The following RNF217 variants were observed in gnomAD, a reference collection of about 807,000 sequenced individuals.
RNF217 encodes the protein ring finger protein 217, also known as E3 ubiquitin-protein ligase RNF217.
RNF217 carries 31 observed loss-of-function variants against 57.8 expected under a neutral mutation model. That is an observed-to-expected ratio of 0.54 (90% CI 0.40 to 0.72). The LOEUF is 0.72. Among genes scored for constraint, RNF217 ranks in the 30% least tolerant of loss-of-function variants. The probability of loss-of-function intolerance (pLI) is 0.00; values close to 1 mark genes in which losing one functional copy is unlikely to be tolerated. For missense variants in RNF217, 696 were observed against 708.3 expected (o/e 0.98, Z 0.20); for synonymous variants, 313 against 294.0 (o/e 1.06, Z -0.66).
rs1447341774 is a variant in RNF217 at position 125,062,252 on chromosome 6, CTT to C, written c.1281+4147_1281+4148del. The stretch of plus-strand genomic sequence containing the variant: ...TTTATGTATTAAGCATTACTTCTCT[CTT>C]AGTGAGTTTTTACCTTTTTCTCAAA... On this transcript the variant is annotated intron_variant, in intron 3 of 5. Transcript: ENST00000521654. Among the ~76,000 whole-genome samples, 5 of 151,892 alleles carry C rather than the reference CTT, an allele frequency of 3.3e-5. 1 individual carries two copies. The highest frequency in any genetic ancestry group is 4.8e-5 in the African/African-American group (2 of 41,338).
chr6:125,092,574 G>T lies in RNF217; in HGVS notation c.*9637G>T, dbSNP rs543692301. 1.3e-5 allele frequency: 2 copies of T among 152,272 alleles called. No homozygotes were observed. The allele number at this position is 152,272 out of a possible 1,614,324, so 9.4% of individuals were successfully genotyped here. On this transcript the variant is annotated 3_prime_UTR_variant, in exon 6 of 6. Transcript: ENST00000521654. ...TGGAGTGCTGTTTACCACATGATGTGTGCAATACATCATGCAATGTTATTT... is the reference window on the plus strand; with the variant it reads ...TGGAGTGCTGTTTACCACATGATGTTTGCAATACATCATGCAATGTTATTT...
chr6:124,998,413 T>A (rs1023078219), intron 1 of RNF217, among the ~76,000 whole-genome samples: 4 of 152,222 alleles, frequency 2.6e-5, no homozygotes, highest in Admixed American at 2.6e-4. Context: ...TGTCTGCTTA[T>A]CTCCATCTTC....
intron 1 of RNF217, among the ~76,000 whole-genome samples, chr6:125,038,049 A>C (rs1760915478): frequency 6.6e-6 from 1 of 152,182 alleles, no homozygotes; most frequent in Non-Finnish European, 1.5e-5. Context: ...GAGTCATTAA[A>C]TTACTTTTGA....
At chr6:125,024,930 G>C (rs553800969) in intron 1 of RNF217, among the ~76,000 whole-genome samples, 1 of 152,184 alleles carries the variant, frequency 6.6e-6, no homozygotes, top group African/African-American at 2.4e-5. Context: ...TGAAACCATG[G>C]GAGTGGAAGA....
chr6:125,030,172 T>C (rs1341356252), intron 1 of RNF217, among the ~76,000 whole-genome samples: 1 of 152,132 alleles, frequency 6.6e-6, no homozygotes, highest in Non-Finnish European at 1.5e-5. Flanking sequence ...GCCTCCATGA[T>C]TTAGTTACCT....
intron 1 of RNF217, among the ~76,000 whole-genome samples, chr6:124,983,727 G>T (rs967063589): frequency 5.3e-5 from 8 of 152,176 alleles, no homozygotes; most frequent in African/African-American, 2.4e-5. Flanking sequence ...GGAGTTAGAT[G>T]ATTTGGGTTT....
At chr6:125,033,692 T>A (rs1786468459) in intron 1 of RNF217, among the ~76,000 whole-genome samples, 2 of 152,050 alleles carry the variant, frequency 1.3e-5, no homozygotes, top group Admixed American at 1.3e-4. Context: ...TGATTTATAG[T>A]CCTTTGGGTA....
intron 3 of RNF217, among the ~76,000 whole-genome samples, chr6:125,071,679 A>G (rs1788152387): frequency 6.6e-6 from 1 of 152,124 alleles, no homozygotes; most frequent in Admixed American, 6.5e-5. Context: ...TGAACATTTC[A>G]TCTTATGACC....
In RNF217 at chr6:125,039,182, A is replaced by G. The variant is rs1292381986; in HGVS notation, c.883-6029A>G. On this transcript the variant is annotated intron_variant, in intron 1 of 5. Transcript: ENST00000521654. ...ATGTCCCTGTAAAGGACATGGCCTC[A>G]TTCCTTTTTATGGCTGCATAGTATT... Among the ~76,000 whole-genome samples, 6 of 152,222 alleles carry G rather than the reference A, an allele frequency of 3.9e-5. No homozygotes were observed. In the South Asian group the frequency reaches 8.3e-4, roughly 21 times the overall value.
At chr6:125,066,353 G>A (rs1479547471) in intron 3 of RNF217, among the ~76,000 whole-genome samples, 3 of 152,192 alleles carry the variant, frequency 2.0e-5, no homozygotes, top group East Asian at 1.9e-4. Flanking sequence ...AGAACCCGTC[G>A]CCCTCTGGAC....
rs1387644388 is a variant in RNF217 at position 125,006,088 on chromosome 6, A to G, written c.883-39123A>G. On this transcript the variant is annotated intron_variant, in intron 1 of 5. Transcript: ENST00000521654. ...ACTGTTTCCATAGCTCCTGCAAATG[A>G]TAAGAGGCTTGAGGATACTTCCCAG... The G allele has an allele frequency of 7.2e-5, 11 of 152,230 alleles. No individual in the cohort carries two copies. The East Asian group carries it at 1.5e-3, about 21-fold the overall frequency. The allele number at this position is 152,230 out of a possible 1,614,324, so 9.4% of individuals were successfully genotyped here.
chr6:125,049,249 C>T (rs1029497112), intron 2 of RNF217, among the ~76,000 whole-genome samples: 1 of 152,008 alleles, frequency 6.6e-6, no homozygotes, highest in African/African-American at 2.4e-5. Flanking sequence ...ATCACCCACA[C>T]CCAAAGCTTT....
rs190776681 is a variant in RNF217 at position 125,068,709 on chromosome 6, A to G, written c.1282-7948A>G. On this transcript the variant is annotated intron_variant, in intron 3 of 5. Transcript: ENST00000521654. Reference sequence around the variant, plus strand: ...GCAGGAGCCCTGTCAGATTTTATCAATGAACAAAGTAATTATTTGTTGAAT... The same window carrying G: ...GCAGGAGCCCTGTCAGATTTTATCAGTGAACAAAGTAATTATTTGTTGAAT... Among the ~76,000 whole-genome samples, 242 of 152,358 alleles carry G rather than the reference A, an allele frequency of 1.6e-3. 5 individuals are homozygous for G. The highest frequency in any genetic ancestry group is 0.012 in the Admixed American group (184 of 15,302).
intron 4 of RNF217, among the ~76,000 whole-genome samples, chr6:125,077,197 G>C (rs141527362): frequency 1.3e-5 from 2 of 152,064 alleles, no homozygotes; most frequent in Admixed American, 1.3e-4. Flanking sequence ...ATATCCAGCA[G>C]CAGGTCGTAC....
intron 1 of RNF217, among the ~76,000 whole-genome samples, chr6:124,999,473 C>A (rs566007032): frequency 2.0e-5 from 3 of 151,126 alleles, no homozygotes; most frequent in African/African-American, 7.3e-5. Context: ...TTTTTTCAAG[C>A]TTTAAAATTG....
chr6:125,035,690 T>C (rs1333836599), intron 1 of RNF217, among the ~76,000 whole-genome samples: 2 of 152,202 alleles, frequency 1.3e-5, no homozygotes, highest in East Asian at 3.9e-4. Context: ...AATGTTATGG[T>C]TTTTTAATGT....
At chr6:124,985,262 C>G (rs1391251846) in intron 1 of RNF217, among the ~76,000 whole-genome samples, 1 of 152,150 alleles carries the variant, frequency 6.6e-6, no homozygotes, top group Non-Finnish European at 1.5e-5. Context: ...AATATATACT[C>G]CAACATTATT....
intron 1 of RNF217, among the ~76,000 whole-genome samples, chr6:124,997,084 A>C (rs1442676210): frequency 6.6e-6 from 1 of 152,212 alleles, no homozygotes; most frequent in Non-Finnish European, 1.5e-5. Context: ...CTGTCAAAAA[A>C]GAATTTATTT....
chr6:125,065,015 C>G (rs964910089), intron 3 of RNF217, among the ~76,000 whole-genome samples: 1 of 151,928 alleles, frequency 6.6e-6, no homozygotes, highest in Non-Finnish European at 1.5e-5. Context: ...TGCAATCACG[C>G]CGGTAATCCC....
Sources: gnomAD v4.1 joint callset for allele counts (sites outside exome capture counted in the v4.1 genomes callset) on GRCh38, gnomAD v4.1.1 for gene constraint, MANE v1.5 for transcripts, NCBI Gene and HGNC (gene_info 2026-07-23, HGNC 2026-07-21) for gene names.